STARD10: variants seen among roughly 807,000 people sequenced by gnomAD.
The protein encoded by STARD10 is StAR related lipid transfer domain containing 10.
A neutral mutation model predicts 36.0 loss-of-function variants in STARD10; 24 were observed. The observed-to-expected ratio is 0.67, with a 90% confidence interval of 0.48 to 0.94. STARD10 has a LOEUF of 0.94. STARD10 is among the 40% of genes least tolerant of loss of function. The probability of loss-of-function intolerance (pLI) is 0.00; values close to 1 mark genes in which losing one functional copy is unlikely to be tolerated. For missense variants in STARD10, 335 were observed against 396.6 expected (o/e 0.84, Z 1.32); for synonymous variants, 156 against 161.9 (o/e 0.96, Z 0.28).
At position 72,780,740 on chromosome 11, in the gene STARD10, T is replaced by C. The variant is rs1016596642; in HGVS notation, c.207+235A>G. Reference sequence around the variant, plus strand: ...GAACAGGCAGGGGCATGCAGAAGCCTGGGTTCCAGCTGAGAGAGGCAGGGT... The same window carrying C: ...GAACAGGCAGGGGCATGCAGAAGCCCGGGTTCCAGCTGAGAGAGGCAGGGT... On this transcript the variant is annotated intron_variant, in intron 2 of 6. Coordinates refer to ENST00000334805, the MANE Select transcript of STARD10 (RefSeq NM_006645.3). The C allele has an allele frequency of 5.3e-6, 3 of 570,484 alleles. No individual in the cohort carries two copies. In the Admixed American group the frequency reaches 9.0e-5, roughly 17 times the overall value. 35.3% of individuals were successfully genotyped at this position (570,484 alleles called of 1,614,324 possible).
rs961581542 is a variant in STARD10 at position 72,757,869 on chromosome 11, T to C, written c.475A>G (p.Lys159Glu). ...SVKHPKYPPR[K>E]DLVRAVSIQT... Reference sequence around the variant, plus strand: ...ATGGACACAGCTCGGACCAAGTCTTTCCGAGGTGGGTATTTCTGGGGATGG... The same window carrying C: ...ATGGACACAGCTCGGACCAAGTCTTCCCGAGGTGGGTATTTCTGGGGATGG... Residue 159 changes from lysine to glutamate, a missense_variant, in exon 5 of 7, where the codon AAA (lysine) becomes GAA (glutamate). Physicochemically the swap from Lys to Glu is moderately conservative, Grantham distance 56. Coordinates refer to ENST00000334805, the MANE Select transcript of STARD10 (RefSeq NM_006645.3). 5 of 1,614,134 alleles carry C rather than the reference T, an allele frequency of 3.1e-6. No individual in the cohort carries two copies. Among genetic ancestry groups the C allele is most frequent in the African/African-American group, 2.7e-5 (2 of 75,046 alleles).
At chr11:72,778,803 A>T (rs565279384) in intron 2 of STARD10, among the ~76,000 whole-genome samples, 1 of 152,302 alleles carries the variant, frequency 6.6e-6, no homozygotes, top group East Asian at 1.9e-4. Context: ...GGGGTATGAC[A>T]TAGGGATTAC....
At chr11:72,767,204 T>C (rs1034189788) in intron 2 of STARD10, among the ~76,000 whole-genome samples, 3 of 152,074 alleles carry the variant, frequency 2.0e-5, no homozygotes, top group African/African-American at 7.2e-5. Flanking sequence ...CCAACCTCCA[T>C]AACCATTACC....
intron 2 of STARD10, chr11:72,780,450 G>T: frequency 2.2e-6 from 1 of 447,558 alleles, no homozygotes. Context: ...CCTGCAGGAG[G>T]CTAAGGGAGC....
rs1591275927 is a variant in STARD10, at chr11:72,793,355, A to G, written c.-594T>C. ...CTGGATCTCATTTGATCCTCCCAAC[A>G]GCCTGTTTGCATTTACAAATGAGAA... On this transcript the variant is annotated 5_prime_UTR_variant, in exon 1 of 7. Transcript: ENST00000334805. The G allele has an allele frequency of 3.3e-5, 5 of 152,356 alleles. No homozygotes were observed. The highest frequency in any genetic ancestry group is 5.9e-5 in the Non-Finnish European group (4 of 68,040). The allele number at this position is 152,356 out of a possible 1,614,324, so 9.4% of individuals were successfully genotyped here.
At chr11:72,755,904 C>T (rs1648283440) in intron 5 of STARD10, 151 bp from the exon 6 acceptor site, 6 of 650,730 alleles carry the variant, frequency 9.2e-6, no homozygotes, top group Admixed American at 3.0e-5. Flanking sequence ...AGCCTTTACC[C>T]TCACTCCCTT....
In STARD10 at chr11:72,781,336, CGCGGGTGGGGCTGTTCGGGGTCCTG is replaced by C; in HGVS notation, c.-113-67_-113-43del. 1 of 647,008 alleles carries C rather than the reference CGCGGGTGGGGCTGTTCGGGGTCCTG, an allele frequency of 1.5e-6. No individual in the cohort carries two copies. The highest frequency in any genetic ancestry group is 2.7e-6 in the Non-Finnish European group (1 of 374,724). 40.1% of individuals were successfully genotyped at this position (647,008 alleles called of 1,614,324 possible). A position where few individuals can be genotyped will look rare whatever the true frequency, so the allele number is the denominator to read the frequency against. On this transcript the variant is annotated intron_variant, in intron 1 of 6. Coordinates refer to ENST00000334805, the MANE Select transcript of STARD10 (RefSeq NM_006645.3). The surrounding 1 kb of genome is among the most constrained non-coding windows in gnomAD (Gnocchi z 4.7). ...GGGACGGGAATCAGTGCGCTGGGGG[CGCGGGTGGGGCTGTTCGGGGTCCTG>C]GCGGGTGGGGAGCTGGAGAGAGGTA...
chr11:72,764,228 C>A lies in STARD10; in HGVS notation c.208-4847G>T, dbSNP rs182560589. 7.0e-4 allele frequency among the ~76,000 whole-genome samples: 106 copies of A among 152,320 alleles called. 1 individual carries two copies. The highest frequency in any genetic ancestry group is 2.5e-3 in the African/African-American group (105 of 41,576). ...GGCCCAGCTGCAAAGCAGCTGAATG[C>A]ACACTGGGAAGGGGCCCATGCTGCC... is the stretch of plus-strand genomic sequence containing the variant. On this transcript the variant is annotated intron_variant, in intron 2 of 6. Coordinates refer to ENST00000334805, the MANE Select transcript of STARD10 (RefSeq NM_006645.3).
chr11:72,755,182 G>C lies in STARD10; in HGVS notation c.631-40C>G, dbSNP rs745681974. On this transcript the variant is annotated intron_variant, in intron 6 of 6. Coordinates refer to ENST00000334805, the MANE Select transcript of STARD10 (RefSeq NM_006645.3). The stretch of plus-strand genomic sequence containing the variant: ...CCCCGCCGGGTCAGGGGGTGGCTAG[G>C]GGGCAGGTCTTCTCCACACCCCCCT... 60 of 1,574,846 alleles carry C rather than the reference G, an allele frequency of 3.8e-5. 1 individual carries two copies. Among genetic ancestry groups the C allele is most frequent in the South Asian group, 1.6e-4 (14 of 86,376 alleles).
intron 2 of STARD10, among the ~76,000 whole-genome samples, chr11:72,763,991 G>A (rs748702844): frequency 1.3e-5 from 2 of 152,190 alleles, no homozygotes; most frequent in Non-Finnish European, 2.9e-5. Flanking sequence ...ATCTCCCTGT[G>A]TTCTTAACCA....
rs1181704775 is a variant in STARD10 at position 72,781,741 on chromosome 11, G to A, written c.-113-447C>T. ...GCCGCAGCTGCCCGGGAGACCCGGG[G>A]CCGCGCGGGGGCTCTGGTGGGAGGA... On this transcript the variant is annotated intron_variant, in intron 1 of 6. Coordinates refer to ENST00000334805, the MANE Select transcript of STARD10 (RefSeq NM_006645.3). This position sits in a 1 kb window ranked among gnomAD's most constrained non-coding sequence, Gnocchi z 4.7. 6.7e-6 allele frequency: 1 copy of A among 148,558 alleles called. No homozygotes were observed. The highest frequency in any genetic ancestry group is 1.5e-5 in the Non-Finnish European group (1 of 66,708). 9.2% of individuals were successfully genotyped at this position (148,558 alleles called of 1,614,324 possible).
At chr11:72,775,923 C>T (rs1858924989) in intron 2 of STARD10, among the ~76,000 whole-genome samples, 1 of 152,146 alleles carries the variant, frequency 6.6e-6, no homozygotes, top group African/African-American at 2.4e-5. Flanking sequence ...ACATCCTCAA[C>T]CCAAACCAGG....
intron 1 of STARD10, among the ~76,000 whole-genome samples, chr11:72,789,151 T>C (rs1226126873): frequency 6.6e-6 from 1 of 152,218 alleles, no homozygotes; most frequent in Non-Finnish European, 1.5e-5. Context: ...CTGGCCTCAG[T>C]TGTTCCATCT....
chr11:72,787,084 CAAAAA>C (rs765529093), intron 1 of STARD10, among the ~76,000 whole-genome samples: 18 of 72,018 alleles, frequency 2.5e-4, no homozygotes, highest in Non-Finnish European at 4.8e-4. Context: ...ACCCTGTGTC[CAAAAA>C]AAAAAAAAAA....
chr11:72,773,477 A>G (rs1591268117), intron 2 of STARD10, among the ~76,000 whole-genome samples: 1 of 152,354 alleles, frequency 6.6e-6, no homozygotes, highest in Non-Finnish European at 1.5e-5. Context: ...CTGCTTCTGC[A>G]GTGAGGGGGT....
At chr11:72,777,655 T>TGGGGCCAGGTCAGGCTG (rs915881824) in intron 2 of STARD10, among the ~76,000 whole-genome samples, 1 of 152,190 alleles carries the variant, frequency 6.6e-6, no homozygotes, top group Non-Finnish European at 1.5e-5. Context: ...AGTGCAGCCC[T>TGGGGCCAGGTCAGGCTG]GGGGCCAGGT....
At chr11:72,756,842 A>C (rs1858651384) in intron 5 of STARD10, among the ~76,000 whole-genome samples, 2 of 152,248 alleles carry the variant, frequency 1.3e-5, no homozygotes, top group Admixed American at 6.5e-5. Flanking sequence ...AGGAGGCAGA[A>C]TCAATAAGAA....
At chr11:72,787,383 ACCG>A (rs1407455628) in intron 1 of STARD10, among the ~76,000 whole-genome samples, 4 of 152,114 alleles carry the variant, frequency 2.6e-5, no homozygotes, top group South Asian at 4.2e-4. Context: ...TGCAATCCCT[ACCG>A]CCACCACCAT....
chr11:72,768,999 A>G (rs890311631), intron 2 of STARD10, among the ~76,000 whole-genome samples: 11 of 152,224 alleles, frequency 7.2e-5, no homozygotes, highest in African/African-American at 2.7e-4. Flanking sequence ...AAGGAGGTGC[A>G]GCCGTGAAAA....
Sources: allele counts gnomAD v4.1 joint callset (sites outside exome capture counted in the v4.1 genomes callset), GRCh38; gene constraint gnomAD v4.1.1; non-coding constraint Gnocchi (gnomAD v3.1); transcripts MANE v1.5; gene names NCBI Gene and HGNC (gene_info 2026-07-23, HGNC 2026-07-21).